Variants in ANKS1B observed in about 807,000 individuals in gnomAD.
ANKS1B encodes the protein ankyrin repeat and sterile alpha motif domain-containing protein 1B.
In ANKS1B, 36 loss-of-function variants were observed where a neutral mutation model predicts 148.3. That is an observed-to-expected ratio of 0.24 (90% CI 0.19 to 0.32). The LOEUF (loss-of-function observed/expected upper bound fraction) is 0.32, where lower values mean the gene tolerates loss of function less well. Ranked by LOEUF, ANKS1B falls within the 10% of genes least tolerant of loss-of-function variation. ANKS1B has a pLI of 1.00. For missense variants in ANKS1B, 1,157 were observed against 1,542.6 expected (o/e 0.75, Z 4.19); for synonymous variants, 542 against 560.8 (o/e 0.97, Z 0.47).
chr12:98,828,478 A>G (rs1035653767), intron 19 of ANKS1B, among the ~76,000 whole-genome samples: 3 of 152,156 alleles, frequency 2.0e-5, no homozygotes, highest in African/African-American at 7.2e-5. Context: ...TTGACAACAA[A>G]TCCATATTTT....
intron 25 of ANKS1B, among the ~76,000 whole-genome samples, chr12:98,772,201 A>T (rs1282498366): frequency 4.6e-5 from 7 of 152,216 alleles, no homozygotes; most frequent in Admixed American, 3.3e-4. Context: ...AAGGCTTAAC[A>T]TGCAGTACCT....
At chr12:99,299,458 T>G (rs961838395) in intron 12 of ANKS1B, among the ~76,000 whole-genome samples, 30 of 152,200 alleles carry the variant, frequency 2.0e-4, no homozygotes, top group African/African-American at 7.2e-4. Flanking sequence ...ATAGCAAACC[T>G]TTCCATAAAT....
chr12:99,081,750 C>T (rs940714025), intron 16 of ANKS1B, among the ~76,000 whole-genome samples: 1 of 152,028 alleles, frequency 6.6e-6, no homozygotes, highest in African/African-American at 2.4e-5. Flanking sequence ...TCAAATAATT[C>T]TACGTTCAGT....
intron 22 of ANKS1B, among the ~76,000 whole-genome samples, chr12:98,790,079 GTAA>G (rs934782678): frequency 4.0e-5 from 6 of 151,800 alleles, no homozygotes; most frequent in Non-Finnish European, 5.9e-5. Context: ...TATTGCTTTT[GTAA>G]TAAAATTTTA....
In ANKS1B at chr12:98,965,616, C is replaced by T. The variant is rs550756079; in HGVS notation, c.2778+87541G>A. On this transcript the variant is annotated intron_variant, in intron 17 of 26. Transcript: ENST00000683438. Reference sequence around the variant, plus strand: ...ACAATCCTAAGCCAAAAGAACAAAGCTGGAGGCATCACGCTACCTGACTTC... The same window carrying T: ...ACAATCCTAAGCCAAAAGAACAAAGTTGGAGGCATCACGCTACCTGACTTC... Among the ~76,000 whole-genome samples the T allele has an allele frequency of 3.3e-5, 5 of 152,240 alleles. No individual in the cohort carries two copies. In the South Asian group the frequency reaches 1.0e-3, roughly 32 times the overall value.
chr12:99,360,829 C>T (rs2092406680), intron 12 of ANKS1B, among the ~76,000 whole-genome samples: 1 of 152,056 alleles, frequency 6.6e-6, no homozygotes, highest in Non-Finnish European at 1.5e-5. Flanking sequence ...TACTGGAGAT[C>T]ATTCTGTTAA....
chr12:99,724,359 A>G (rs2058407657), intron 8 of ANKS1B, among the ~76,000 whole-genome samples: 1 of 152,214 alleles, frequency 6.6e-6, no homozygotes, highest in African/African-American at 2.4e-5. Flanking sequence ...CGTGAAGCAT[A>G]CAGAAGTATC....
chr12:99,927,900 C>T (rs2094512725), intron 1 of ANKS1B, among the ~76,000 whole-genome samples: 1 of 152,008 alleles, frequency 6.6e-6, no homozygotes, highest in Non-Finnish European at 1.5e-5. Flanking sequence ...AATACTATAA[C>T]TAAAAATATT....
intron 4 of ANKS1B, among the ~76,000 whole-genome samples, chr12:99,794,876 G>A (rs970776826): frequency 6.6e-6 from 1 of 151,760 alleles, no homozygotes; most frequent in Non-Finnish European, 1.5e-5. Flanking sequence ...TTGAGGGGAT[G>A]GATACTCAAT....
In ANKS1B at chr12:98,877,572, G is replaced by C. The variant is rs976520543; in HGVS notation, c.2779-45436C>G. 2.6e-5 allele frequency among the ~76,000 whole-genome samples: 4 copies of C among 152,256 alleles called. No individual in the cohort carries two copies. The East Asian group carries it at 7.7e-4, about 29-fold the overall frequency. On this transcript the variant is annotated intron_variant, in intron 17 of 26. Coordinates refer to ENST00000683438, the MANE Select transcript of ANKS1B (RefSeq NM_001352186.2). ...CATGAATTAACACAGTTATGAACAA[G>C]AAATATTATCTCTTGTGTAAAGATC... is the stretch of plus-strand genomic sequence containing the variant.
At chr12:99,094,233 G>A (rs527536892) in intron 15 of ANKS1B, among the ~76,000 whole-genome samples, 32 of 152,068 alleles carry the variant, frequency 2.1e-4, no homozygotes, top group Non-Finnish European at 3.5e-4. Flanking sequence ...GGGAAACAGT[G>A]GAATAAAAAA....
intron 12 of ANKS1B, among the ~76,000 whole-genome samples, chr12:99,316,787 G>GT (rs2154028949): frequency 6.6e-6 from 1 of 152,272 alleles, no homozygotes; most frequent in African/African-American, 2.4e-5. Flanking sequence ...TTCTTTAAGG[G>GT]TTTTTATGGT....
At chr12:99,374,170 A>C (rs2093283313) in intron 12 of ANKS1B, among the ~76,000 whole-genome samples, 1 of 152,230 alleles carries the variant, frequency 6.6e-6, no homozygotes, top group South Asian at 2.1e-4. Flanking sequence ...AGAGGTTCCC[A>C]GAAAATACAT....
chr12:99,472,283 G>C (rs1052578130), intron 10 of ANKS1B, among the ~76,000 whole-genome samples: 1 of 151,928 alleles, frequency 6.6e-6, no homozygotes, highest in African/African-American at 2.4e-5. Flanking sequence ...TCTCTGGCTC[G>C]GTCAGTCAGT....
chr12:98,855,165 C>CAAA (rs60609011), intron 17 of ANKS1B, among the ~76,000 whole-genome samples: 59 of 86,710 alleles, frequency 6.8e-4, no homozygotes, highest in African/African-American at 1.8e-3. Context: ...GACTCCGTCT[C>CAAA]AAAAAAAAAA....
chr12:98,969,010 G>A (rs2099880984), intron 17 of ANKS1B, among the ~76,000 whole-genome samples: 1 of 152,116 alleles, frequency 6.6e-6, no homozygotes, highest in Non-Finnish European at 1.5e-5. Context: ...TGATGCGTTG[G>A]TTTTCTCACA....
chr12:99,604,001 C>A (rs1369770342), intron 9 of ANKS1B, among the ~76,000 whole-genome samples: 1 of 152,086 alleles, frequency 6.6e-6, no homozygotes, highest in Non-Finnish European at 1.5e-5. Context: ...TTATTTCCAT[C>A]CTTTCCCTGA....
intron 17 of ANKS1B, among the ~76,000 whole-genome samples, chr12:98,991,909 C>T (rs1214493525): frequency 3.9e-5 from 6 of 152,062 alleles, no homozygotes; most frequent in African/African-American, 1.4e-4. Context: ...TAGATAAGAA[C>T]ATCCAGTCTT....
At chr12:99,975,048 G>A (rs2095609028) in intron 1 of ANKS1B, among the ~76,000 whole-genome samples, 1 of 152,208 alleles carries the variant, frequency 6.6e-6, no homozygotes, top group East Asian at 1.9e-4. Flanking sequence ...GCTACTTGGG[G>A]TCTAAGACAT....
Sources: gnomAD v4.1 joint callset for allele counts (sites outside exome capture counted in the v4.1 genomes callset) on GRCh38, gnomAD v4.1.1 for gene constraint, MANE v1.5 for transcripts, NCBI Gene and HGNC (gene_info 2026-07-23, HGNC 2026-07-21) for gene names.